The following MYLK4 variants were observed in gnomAD, a reference collection of about 807,000 sequenced individuals.
MYLK4 encodes caMLCK like.
In MYLK4, 46 loss-of-function variants were observed where a neutral mutation model predicts 48.1. The ratio of observed to expected loss-of-function variants is 0.96; its 90% CI spans 0.75 to 1.22. The LOEUF (loss-of-function observed/expected upper bound fraction) is 1.22. MYLK4 is among the 50% of genes most tolerant of loss of function. The pLI is 0.00. For missense variants in MYLK4, 451 were observed against 486.1 expected, an observed-to-expected ratio of 0.93 and a Z score of 0.68; for synonymous variants, 170 against 180.8, an observed-to-expected ratio of 0.94 and a Z score of 0.48.
At chr6:2,733,225 A>G (rs985487908) in intron 2 of MYLK4, among the ~76,000 whole-genome samples, 2 of 152,254 alleles carry the variant, frequency 1.3e-5, no homozygotes, top group African/African-American at 4.8e-5. Flanking sequence ...CTGTCAGAGA[A>G]AGGCTTCTGA....
chr6:2,760,274 T>C, the MYLK4 span, among the ~76,000 whole-genome samples: 3 of 152,162 alleles, frequency 2.0e-5, no homozygotes, highest in Non-Finnish European at 2.9e-5. Flanking sequence ...TTTTATAAGT[T>C]TTATTATAAA....
At chr6:2,745,086 G>A (rs144276957) in intron 2 of MYLK4, among the ~76,000 whole-genome samples, 2 of 152,174 alleles carry the variant, frequency 1.3e-5, no homozygotes, top group Non-Finnish European at 2.9e-5. Context: ...AGACAACCCC[G>A]GGCCTCAGGA....
chr6:2,756,411 T>C, the MYLK4 span, among the ~76,000 whole-genome samples: 13 of 152,238 alleles, frequency 8.5e-5, no homozygotes, highest in African/African-American at 2.9e-4. Flanking sequence ...CTTTCAGTAC[T>C]GTTTTCACCC....
At chr6:2,736,284 T>C (rs1029411906) in intron 2 of MYLK4, among the ~76,000 whole-genome samples, 10 of 152,250 alleles carry the variant, frequency 6.6e-5, no homozygotes, top group African/African-American at 2.4e-4. Context: ...AGATGGAGTC[T>C]CGCTCTGTCA....
chr6:2,727,442 G>A (rs1763316420), intron 2 of MYLK4, among the ~76,000 whole-genome samples: 1 of 152,168 alleles, frequency 6.6e-6, no homozygotes, highest in Admixed American at 6.5e-5. Flanking sequence ...AGTCTCAGGA[G>A]GGGCCCTGAT....
intron 2 of MYLK4, among the ~76,000 whole-genome samples, chr6:2,724,670 G>T (rs908180285): frequency 8.4e-6 from 1 of 118,822 alleles, no homozygotes; most frequent in African/African-American, 2.6e-5. Flanking sequence ...GATATTTTGA[G>T]GGAATTCATT....
intron 2 of MYLK4, among the ~76,000 whole-genome samples, chr6:2,694,684 T>C (rs1296566187): frequency 8.8e-6 from 1 of 114,120 alleles, no homozygotes; most frequent in Non-Finnish European, 1.9e-5. Flanking sequence ...ACAGCTACCA[T>C]GTATTGTGCA....
intron 2 of MYLK4, among the ~76,000 whole-genome samples, chr6:2,695,659 G>C (rs1762033236): frequency 6.6e-6 from 1 of 152,180 alleles, no homozygotes; most frequent in African/African-American, 2.4e-5. Context: ...CTGACATCTA[G>C]AGGAACTTTG....
At chr6:2,765,396 C>T in the MYLK4 span, 5 of 402,224 alleles carry the variant, frequency 1.2e-5, no homozygotes, top group Admixed American at 5.0e-5. Flanking sequence ...ACGAACTACA[C>T]TTCCCGACAC....
the MYLK4 span, among the ~76,000 whole-genome samples, chr6:2,760,352 C>T: frequency 3.9e-5 from 6 of 152,188 alleles, no homozygotes; most frequent in Non-Finnish European, 8.8e-5. Flanking sequence ...CTTGTAGAAT[C>T]CAGGCACACC....
chr6:2,750,053 G>C (rs543915557), intron 1 of MYLK4, among the ~76,000 whole-genome samples: 1 of 151,878 alleles, frequency 6.6e-6, no homozygotes, highest in Non-Finnish European at 1.5e-5. Flanking sequence ...TACATAATTC[G>C]CTTTGATACT....
chr6:2,702,144 C>T (rs1762308497), intron 2 of MYLK4, among the ~76,000 whole-genome samples: 1 of 152,182 alleles, frequency 6.6e-6, no homozygotes, highest in African/African-American at 2.4e-5. Flanking sequence ...AGGACTCCCG[C>T]TGGAGCTCAG....
At chr6:2,688,344 C>G (rs1271952432) in intron 4 of MYLK4, among the ~76,000 whole-genome samples, 1 of 152,212 alleles carries the variant, frequency 6.6e-6, no homozygotes, top group African/African-American at 2.4e-5. Flanking sequence ...CAGGCGTGAG[C>G]CACCGCGCAA....
the MYLK4 span, chr6:2,766,164 A>G: frequency 7.5e-7 from 1 of 1,333,608 alleles, no homozygotes; most frequent in Non-Finnish European, 9.5e-7. Flanking sequence ...GCGGACGCGG[A>G]CGGCGAGGAC....
rs138944257 is a variant in MYLK4, at chr6:2,684,579, C to A, written c.545+717G>T. ...TTCTGTTTCCACAGGTTCAAACAATCGTAAATCAAAATGTTTGACCAAAAA... is the reference window on the plus strand; with the variant it reads ...TTCTGTTTCCACAGGTTCAAACAATAGTAAATCAAAATGTTTGACCAAAAA... On this transcript the variant is annotated intron_variant, in intron 6 of 12. Coordinates refer to ENST00000274643, the MANE Select transcript of MYLK4 (RefSeq NM_001012418.5). Among the ~76,000 whole-genome samples the A allele has an allele frequency of 9.3e-4, 141 of 152,060 alleles. 1 individual carries two copies. The highest frequency in any genetic ancestry group is 3.3e-3 in the African/African-American group (135 of 41,450).
chr6:2,766,503 TGGTC>T, the MYLK4 span: 7 of 1,443,732 alleles, frequency 4.8e-6, no homozygotes, highest in Non-Finnish European at 6.4e-6. Flanking sequence ...ATGCAGCTGA[TGGTC>T]GGAGAGCCGG....
chr6:2,761,821 T>C, the MYLK4 span, among the ~76,000 whole-genome samples: 2 of 152,206 alleles, frequency 1.3e-5, no homozygotes, highest in Non-Finnish European at 2.9e-5. Flanking sequence ...CACACAATCT[T>C]TGCTTTGTAT....
chr6:2,724,451 A>C (rs983748077), intron 2 of MYLK4, among the ~76,000 whole-genome samples: 1 of 152,198 alleles, frequency 6.6e-6, no homozygotes, highest in African/African-American at 2.4e-5. Flanking sequence ...CGCAGGGGGA[A>C]AGGTATGCAG....
intron 3 of MYLK4, 71 bp downstream of exon 3, chr6:2,692,713 C>A: frequency 7.4e-7 from 1 of 1,346,170 alleles, no homozygotes; most frequent in Non-Finnish European, 1.0e-6. Context: ...GCAACTTCCT[C>A]TGAATAACAA....
Sources: allele counts gnomAD v4.1 joint callset (sites outside exome capture counted in the v4.1 genomes callset), GRCh38; gene constraint gnomAD v4.1.1; transcripts MANE v1.5; gene names NCBI Gene and HGNC (gene_info 2026-07-23, HGNC 2026-07-21).